The following MGAM variants were observed in gnomAD, a reference collection of about 807,000 sequenced individuals.
MGAM encodes the protein alpha-1,4-glucosidase.
In MGAM, 253 loss-of-function variants were observed where a neutral mutation model predicts 358.8. The observed-to-expected ratio is 0.71, with a 90% CI of 0.64 to 0.78. The LOEUF (loss-of-function observed/expected upper bound fraction) is 0.78. MGAM is among the 30% of genes least tolerant of loss of function. The pLI is 0.00. For missense variants in MGAM, 3,080 were observed against 3,432.6 expected, an observed-to-expected ratio of 0.90 and a Z score of 2.57; for synonymous variants, 1,105 against 1,227.1, an observed-to-expected ratio of 0.90 and a Z score of 2.08.
Position 142,034,840 on chromosome 7 carries a change from T to G in MGAM, c.1958T>G (p.Met653Arg), listed in dbSNP as rs1554465292. Residue 653 changes from methionine (M) to arginine (R), a missense_variant and splice_region_variant, in exon 16 of 71, where the codon ATG (methionine) becomes AGG (arginine). Coordinates refer to ENST00000475668, the MANE Select transcript of MGAM (RefSeq NM_001365693.1). ...GAGTTCAACCTTTTTGGCATCCCAA[T>G]GGTGAGCTGCTACCTCAAGCTCTCT... ...VLEFNLFGIP[M>R]VGPDICGFAL... is the part of the protein sequence containing the mutation. The G allele has an allele frequency of 3.7e-6, 6 of 1,610,964 alleles. No individual in the cohort carries two copies. Among genetic ancestry groups the G allele is most frequent in the Non-Finnish European group, 5.1e-6 (6 of 1,178,088 alleles).
At chr7:142,100,263 A>G (rs779955035) in intron 67 of MGAM, among the ~76,000 whole-genome samples, 21 of 152,220 alleles carry the variant, frequency 1.4e-4, no homozygotes, top group Non-Finnish European at 2.9e-4. Flanking sequence ...CTGTGAGGTT[A>G]GTACTGTTAC....
chr7:142,054,793 C>T lies in MGAM; in HGVS notation c.3199C>T (p.Pro1067Ser). The change falls in exon 27 of 71, where the codon CCT becomes TCT. Residue 1067 changes from proline (P) to serine (S), a missense_variant. Coordinates refer to ENST00000475668, the MANE Select transcript of MGAM (RefSeq NM_001365693.1). ...PNKNRYEVPV[P>S]LNIPSMPSST... ...CAAGAATCGGTATGAAGTTCCAGTCCCTCTGAACATACCCAGCATGCCATC... is the reference window on the plus strand; with the variant it reads ...CAAGAATCGGTATGAAGTTCCAGTCTCTCTGAACATACCCAGCATGCCATC... The T allele has an allele frequency of 1.2e-6, 2 of 1,613,812 alleles. No homozygotes were observed. The highest frequency in any genetic ancestry group is 1.7e-6 in the Non-Finnish European group (2 of 1,179,832).
intron 66 of MGAM, among the ~76,000 whole-genome samples, chr7:142,097,975 C>T (rs1419694720): frequency 6.6e-6 from 1 of 152,184 alleles, no homozygotes; most frequent in African/African-American, 2.4e-5. Flanking sequence ...GATTGTGTTG[C>T]AAACTATAGT....
intron 34 of MGAM, among the ~76,000 whole-genome samples, chr7:142,061,988 G>C (rs1162916331): frequency 6.6e-6 from 1 of 152,160 alleles, no homozygotes; most frequent in Non-Finnish European, 1.5e-5. Context: ...TGAGGGTAGA[G>C]GAAAATAAAG....
At chr7:142,031,504 G>A (rs1434688846) in intron 12 of MGAM, among the ~76,000 whole-genome samples, 176 bp from the exon 13 acceptor site, 1 of 152,130 alleles carries the variant, frequency 6.6e-6, no homozygotes, top group Non-Finnish European at 1.5e-5. Context: ...ATTTCTTCGA[G>A]TGACCCTGGC....
chr7:142,073,973 A>G, intron 44 of MGAM, 112 bp from the exon 45 acceptor site: 1 of 782,546 alleles, frequency 1.3e-6, no homozygotes, highest in South Asian at 1.5e-5. Context: ...AAGAAACAGA[A>G]CCATCTGCTG....
chr7:142,017,958 C>A (rs1283661511), intron 3 of MGAM, among the ~76,000 whole-genome samples: 3 of 152,182 alleles, frequency 2.0e-5, no homozygotes, highest in Non-Finnish European at 4.4e-5. Flanking sequence ...TAACCTTTGG[C>A]AGGTCACTTT....
chr7:142,001,215 AAC>A (rs1804707023), intron 1 of MGAM, among the ~76,000 whole-genome samples: 1 of 152,228 alleles, frequency 6.6e-6, no homozygotes, highest in African/African-American at 2.4e-5. Context: ...TATTCTAGAA[AAC>A]ACAAGGCAAT....
At position 142,080,836 on chromosome 7, in the gene MGAM, A is replaced by G; in HGVS notation, c.5893A>G (p.Asn1965Asp). Residue 1965 changes from asparagine to aspartate, a missense_variant, in exon 50 of 71, where the codon AAC becomes GAC. This residue lies in a region of MGAM where 932 missense variants were observed against 1,198.2 expected (regional missense o/e 0.78). Coordinates refer to ENST00000475668, the MANE Select transcript of MGAM (RefSeq NM_001365693.1). ...TCGGTATGAAGTTCCAGTCCCTCTG[A>G]ACATACCCAGCGTGCCATCCAGCAC... is the stretch of plus-strand genomic sequence containing the variant. ...NNRYEVPVPLNIPSVPSSTPE... is the reference protein window; with the variant it reads ...NNRYEVPVPLDIPSVPSSTPE... 5.1e-6 allele frequency: 8 copies of G among 1,556,358 alleles called. 1 individual carries two copies. The highest frequency in any genetic ancestry group is 7.1e-6 in the Non-Finnish European group (8 of 1,132,480).
At chr7:142,065,867 C>A in intron 40 of MGAM, 36 bp downstream of exon 40, 1 of 1,414,762 alleles carries the variant, frequency 7.1e-7, no homozygotes, top group East Asian at 2.3e-5. Context: ...TGTTTTATGT[C>A]ACTTGAAAGA....
chr7:142,041,464 T>A (rs942873312), intron 21 of MGAM, among the ~76,000 whole-genome samples: 7 of 152,054 alleles, frequency 4.6e-5, no homozygotes, highest in Admixed American at 3.9e-4. Flanking sequence ...GTTGGCTTCC[T>A]TTTTCTAACT....
chr7:141,987,902 C>A (rs1803779462), intron 2 of MGAM, among the ~76,000 whole-genome samples: 1 of 152,190 alleles, frequency 6.6e-6, no homozygotes, highest in Non-Finnish European at 1.5e-5. Context: ...CAACTCATTT[C>A]TCTTAGTTTC....
At chr7:142,097,846 T>C (rs908350683) in intron 66 of MGAM, among the ~76,000 whole-genome samples, 197 bp downstream of exon 66, 2 of 150,802 alleles carry the variant, frequency 1.3e-5, no homozygotes, top group African/African-American at 5.0e-5. Context: ...AGAACTGTTG[T>C]GAAATGACAC....
intron 44 of MGAM, among the ~76,000 whole-genome samples, chr7:142,073,074 C>T (rs1402078797): frequency 6.8e-6 from 1 of 146,162 alleles, no homozygotes; most frequent in East Asian, 2.0e-4. Flanking sequence ...GAAGAATATA[C>T]AGTCTACCAT....
At chr7:142,029,310 A>G (rs1350633055) in intron 10 of MGAM, among the ~76,000 whole-genome samples, 1 of 152,054 alleles carries the variant, frequency 6.6e-6, no homozygotes, top group African/African-American at 2.4e-5. Flanking sequence ...CAGTGAGCTG[A>G]GATCGTGCCA....
At chr7:142,010,889 TC>T (rs1335370899) in intron 3 of MGAM, among the ~76,000 whole-genome samples, 3 of 152,162 alleles carry the variant, frequency 2.0e-5, no homozygotes, top group Admixed American at 2.0e-4. Context: ...CTTGATGAAG[TC>T]TTTTATCCCC....
Position 142,080,799 on chromosome 7 carries a change from T to G in MGAM, c.5856T>G (p.Asp1952Glu). The change falls in exon 50 of 71, where the codon GAT becomes GAG. Residue 1952 changes from aspartate to glutamate, a missense_variant. Around this residue, in one of 5 missense-constraint regions of MGAM, gnomAD observed 932 missense variants for 1,198.2 expected, o/e 0.78. Coordinates refer to ENST00000475668, the MANE Select transcript of MGAM (RefSeq NM_001365693.1). Reference protein sequence around the residue: ...KNEMLQFKIYDPNNNRYEVPV... With the variant: ...KNEMLQFKIYEPNNNRYEVPV... Reference sequence around the variant, plus strand: ...GTTTTCCTCTGGCCTAGATTTATGATCCCAACAACAATCGGTATGAAGTTC... The same window carrying G: ...GTTTTCCTCTGGCCTAGATTTATGAGCCCAACAACAATCGGTATGAAGTTC... 1.3e-6 allele frequency: 2 copies of G among 1,554,512 alleles called. 1 individual carries two copies. Among genetic ancestry groups the G allele is most frequent in the Non-Finnish European group, 1.8e-6 (2 of 1,131,456 alleles).
upstream of MGAM, among the ~76,000 whole-genome samples, chr7:141,992,795 C>A (rs1804004303): frequency 1.3e-5 from 2 of 152,132 alleles, no homozygotes; most frequent in African/African-American, 4.8e-5. Context: ...GTTGCCCAGG[C>A]TGGCCTTGAA....
At chr7:142,041,409 G>C (rs1242569403) in intron 21 of MGAM, among the ~76,000 whole-genome samples, 1 of 151,988 alleles carries the variant, frequency 6.6e-6, no homozygotes, top group Non-Finnish European at 1.5e-5. Context: ...CCAAGTTGTA[G>C]ACTTTTTATG....
Sources: gnomAD v4.1 joint callset for allele counts (sites outside exome capture counted in the v4.1 genomes callset) on GRCh38, gnomAD v4.1.1 for gene constraint, gnomAD v4.1.1 regional missense constraint, MANE v1.5 for transcripts, NCBI Gene and HGNC (gene_info 2026-07-23, HGNC 2026-07-21) for gene names.